NTM: variants seen among roughly 807,000 people sequenced by gnomAD.
NTM encodes IgLON family member 2.
Under a neutral mutation model 42.1 loss-of-function variants are expected in NTM, and 13 were observed. That is an observed-to-expected ratio of 0.31 (90% CI 0.20 to 0.49). NTM has a LOEUF of 0.49. NTM is among the 20% of genes least tolerant of loss of function. The pLI is 0.99. For synonymous variants in NTM, 187 were observed against 179.2 expected (o/e 1.04, Z -0.35); for missense variants, 373 against 452.8 (o/e 0.82, Z 1.60).
At position 131,774,156 on chromosome 11, in the gene NTM, C is replaced by T. The variant is rs1052972296; in HGVS notation, c.83-137408C>T. The T allele has an allele frequency of 4.1e-6, 4 of 976,964 alleles. No individual in the cohort carries two copies. The African/African-American group carries it at 7.0e-5, about 17-fold the overall frequency. 60.5% of individuals were successfully genotyped at this position (976,964 alleles called of 1,614,324 possible). ...ATTCTTCATAAATGTCAGTGGGAAA[C>T]CCATCAGCTCTAAGAGATTTTCTTT... On this transcript the variant is annotated intron_variant, in intron 1 of 8. Transcript: ENST00000683400.
intron 1 of NTM, among the ~76,000 whole-genome samples, chr11:131,797,592 T>C (rs2136200702): frequency 6.6e-6 from 1 of 152,314 alleles, no homozygotes; most frequent in Admixed American, 6.5e-5. Flanking sequence ...AAGGCAAGAA[T>C]CCCTCAAATA....
chr11:132,162,240 G>A (rs2074444504), intron 3 of NTM, among the ~76,000 whole-genome samples: 2 of 150,752 alleles, frequency 1.3e-5, no homozygotes, highest in Admixed American at 6.6e-5. Flanking sequence ...TGGGGAGTGT[G>A]TATGTGAGTG....
chr11:131,558,336 A>C (rs973727539), intron 1 of NTM, among the ~76,000 whole-genome samples: 2 of 152,154 alleles, frequency 1.3e-5, no homozygotes, highest in African/African-American at 4.8e-5. Context: ...GAGACCTGGG[A>C]ATATCCATAC....
intron 1 of NTM, among the ~76,000 whole-genome samples, chr11:131,526,464 T>C (rs1167735562): frequency 6.6e-6 from 1 of 152,126 alleles, no homozygotes; most frequent in Non-Finnish European, 1.5e-5. Flanking sequence ...TAAGAGAAGG[T>C]AAAGGAAGAG....
chr11:131,648,305 A>C (rs925390247), intron 1 of NTM, among the ~76,000 whole-genome samples: 1 of 152,178 alleles, frequency 6.6e-6, no homozygotes, highest in African/African-American at 2.4e-5. Flanking sequence ...GTGAACATGC[A>C]TGTGAATATG....
At chr11:131,463,871 G>A (rs938928075) in intron 1 of NTM, among the ~76,000 whole-genome samples, 1 of 152,240 alleles carries the variant, frequency 6.6e-6, no homozygotes, top group African/African-American at 2.4e-5. Context: ...ATGGGGCCTG[G>A]AGGCGGCAGC....
intron 1 of NTM, among the ~76,000 whole-genome samples, chr11:131,731,075 T>G (rs754357667): frequency 6.6e-6 from 1 of 152,220 alleles, no homozygotes; most frequent in Non-Finnish European, 1.5e-5. Flanking sequence ...TCTTATGATT[T>G]TTTATGCTAT....
chr11:131,544,286 C>T (rs190759683), intron 1 of NTM, among the ~76,000 whole-genome samples: 6 of 152,286 alleles, frequency 3.9e-5, no homozygotes, highest in Admixed American at 3.9e-4. Flanking sequence ...TAAAATACTA[C>T]AGAAGCATAT....
chr11:132,310,137 G>A lies in NTM; in HGVS notation c.687G>A (p.Lys229=), dbSNP rs1165162847. 2.5e-6 allele frequency: 4 copies of A among 1,607,654 alleles called. No homozygotes were observed. The East Asian group carries it at 9.0e-5, about 36-fold the overall frequency. ...ATCCACCATACATTTCAGAAGCCAA[G>A]GGTACAGGTGTCCCCGTGGGACAAA... ...VNYPPYISEA[K]GTGVPVGQKG... The change falls in exon 6 of 9, where the codon AAG becomes AAA. Residue 229 remains lysine (K), a synonymous_variant. Coordinates refer to ENST00000683400, the MANE Select transcript of NTM (RefSeq NM_001352005.2).
chr11:132,000,031 T>C (rs1397921869), intron 2 of NTM, among the ~76,000 whole-genome samples: 3 of 152,142 alleles, frequency 2.0e-5, no homozygotes, highest in Non-Finnish European at 1.5e-5. Context: ...AAATCTCTCA[T>C]AAGACATCAA....
chr11:131,840,114 G>A (rs527472944), intron 1 of NTM, among the ~76,000 whole-genome samples: 5 of 152,214 alleles, frequency 3.3e-5, no homozygotes, highest in East Asian at 3.9e-4. Context: ...GAGAGTAGGC[G>A]ATTGCATATA....
intron 1 of NTM, among the ~76,000 whole-genome samples, chr11:131,584,008 C>A (rs2058639241): frequency 6.6e-6 from 1 of 152,160 alleles, no homozygotes; most frequent in African/African-American, 2.4e-5. Flanking sequence ...GCTTTTGAGT[C>A]CATTTTAGCT....
Position 132,109,845 on chromosome 11 carries a change from T to C in NTM, c.168-36437T>C, listed in dbSNP as rs138311793. ...AGTCCATTGTATCATTCTTGTGCCT[T>C]TGGCATCCTCATAGCTTAGTTCCCA... On this transcript the variant is annotated intron_variant, in intron 2 of 8. Coordinates refer to ENST00000683400, the MANE Select transcript of NTM (RefSeq NM_001352005.2). 1.2e-4 allele frequency among the ~76,000 whole-genome samples: 18 copies of C among 152,358 alleles called. No individual in the cohort carries two copies. The East Asian group carries it at 3.5e-3, about 29-fold the overall frequency.
chr11:132,054,629 TAG>T (rs1441337047), intron 2 of NTM, among the ~76,000 whole-genome samples: 1 of 152,210 alleles, frequency 6.6e-6, no homozygotes, highest in Non-Finnish European at 1.5e-5. Context: ...GCTGGTAGAA[TAG>T]AGTGTATTCC....
At chr11:132,236,875 C>T (rs770916883) in intron 4 of NTM, among the ~76,000 whole-genome samples, 25 of 152,288 alleles carry the variant, frequency 1.6e-4, no homozygotes, top group African/African-American at 5.1e-4. Context: ...GCCAGGTTAC[C>T]GAAGGCCACA....
intron 4 of NTM, among the ~76,000 whole-genome samples, chr11:132,243,865 G>A (rs940175927): frequency 6.6e-6 from 1 of 152,204 alleles, no homozygotes. Flanking sequence ...CAGCCCTGCA[G>A]CATGGCCCTG....
chr11:131,468,738 C>T (rs1172023065), intron 1 of NTM, among the ~76,000 whole-genome samples: 1 of 152,182 alleles, frequency 6.6e-6, no homozygotes, highest in Non-Finnish European at 1.5e-5. Flanking sequence ...TGGGCAGGAG[C>T]AATTGCAAAA....
chr11:132,066,422 C>A (rs2056499358), intron 2 of NTM, among the ~76,000 whole-genome samples: 1 of 152,186 alleles, frequency 6.6e-6, no homozygotes, highest in Admixed American at 6.5e-5. Context: ...AGACTGATGA[C>A]TTTCTCATTT....
intron 1 of NTM, among the ~76,000 whole-genome samples, chr11:131,707,654 C>T (rs1470041997): frequency 1.3e-5 from 2 of 152,084 alleles, no homozygotes; most frequent in Non-Finnish European, 2.9e-5. Context: ...CTTTCCAGCA[C>T]TGTTTATCTT....
Sources: allele counts gnomAD v4.1 joint callset (sites outside exome capture counted in the v4.1 genomes callset), GRCh38; gene constraint gnomAD v4.1.1; transcripts MANE v1.5; gene names NCBI Gene and HGNC (gene_info 2026-07-23, HGNC 2026-07-21).